EYA4: variants seen among roughly 807,000 people sequenced by gnomAD.
EYA4 encodes the protein protein phosphatase EYA4.
In EYA4, 31 loss-of-function variants were observed where a neutral mutation model predicts 87.9. That is an observed-to-expected ratio of 0.35 (90% CI 0.27 to 0.48). The LOEUF (loss-of-function observed/expected upper bound fraction) is 0.48. Among genes scored for constraint, EYA4 ranks in the 20% least tolerant of loss-of-function variants. The pLI is 0.99. For synonymous variants in EYA4, 263 were observed against 270.6 expected (o/e 0.97, Z 0.28); for missense variants, 678 against 761.4 (o/e 0.89, Z 1.29).
intron 13 of EYA4, among the ~76,000 whole-genome samples, chr6:133,490,536 T>A (rs1014506664): frequency 1.3e-5 from 2 of 151,774 alleles, no homozygotes; most frequent in Non-Finnish European, 2.9e-5. Context: ...CTAGAGTAGC[T>A]ATACTTATAA....
At chr6:133,413,369 T>C (rs1258420140) in intron 3 of EYA4, among the ~76,000 whole-genome samples, 1 of 152,018 alleles carries the variant, frequency 6.6e-6, no homozygotes, top group African/African-American at 2.4e-5. Flanking sequence ...TCTCTATATA[T>C]ATTCTGGGTC....
At chr6:133,328,660 T>C (rs1324274968) in intron 2 of EYA4, among the ~76,000 whole-genome samples, 3 of 152,136 alleles carry the variant, frequency 2.0e-5, no homozygotes, top group African/African-American at 7.2e-5. Context: ...TACTGACTAA[T>C]TAAATTCAGT....
chr6:133,520,172 T>C (rs1464751203), intron 17 of EYA4, among the ~76,000 whole-genome samples: 2 of 151,974 alleles, frequency 1.3e-5, no homozygotes, highest in Non-Finnish European at 2.9e-5. Flanking sequence ...GGGTATTCAA[T>C]TAGGAAAAGA....
At chr6:133,442,855 A>G (rs1301107566) in intron 3 of EYA4, among the ~76,000 whole-genome samples, 1 of 152,116 alleles carries the variant, frequency 6.6e-6, no homozygotes, top group Non-Finnish European at 1.5e-5. Flanking sequence ...AAGAATTTGT[A>G]TCATGAATGG....
intron 2 of EYA4, among the ~76,000 whole-genome samples, chr6:133,365,618 C>A (rs969460441): frequency 2.6e-5 from 4 of 152,124 alleles, no homozygotes; most frequent in African/African-American, 9.6e-5. Context: ...AAAGCCTGGG[C>A]CATATCCTTT....
intron 11 of EYA4, among the ~76,000 whole-genome samples, chr6:133,473,171 C>G (rs968458124): frequency 1.3e-5 from 2 of 152,090 alleles, no homozygotes; most frequent in South Asian, 4.2e-4. Context: ...CTTTCTTATT[C>G]AGCTTTGGAT....
At chr6:133,264,429 G>A (rs775191198) in intron 1 of EYA4, among the ~76,000 whole-genome samples, 2 of 152,224 alleles carry the variant, frequency 1.3e-5, no homozygotes, top group Non-Finnish European at 2.9e-5. Flanking sequence ...CACTGTGAAC[G>A]GTAACGTCCA....
chr6:133,247,031 A>G (rs2128224562), intron 1 of EYA4: 2 of 152,288 alleles, frequency 1.3e-5, no homozygotes, highest in Middle Eastern at 3.4e-3. Context: ...TAATACTTAT[A>G]TTTTATGTAA....
At chr6:133,323,935 G>C (rs1209153698) in intron 2 of EYA4, among the ~76,000 whole-genome samples, 2 of 152,026 alleles carry the variant, frequency 1.3e-5, no homozygotes, top group African/African-American at 4.8e-5. Flanking sequence ...TATCTGGGTG[G>C]TCACTCTTAT....
chr6:133,365,350 C>T (rs1467042446), intron 2 of EYA4, among the ~76,000 whole-genome samples: 7 of 152,166 alleles, frequency 4.6e-5, no homozygotes, highest in Non-Finnish European at 8.8e-5. Context: ...GTTTTAGCCA[C>T]TTCCTGCCGA....
At position 133,531,394 on chromosome 6, in the gene EYA4, G is replaced by A. The variant is rs553437932; in HGVS notation, c.*2589G>A. On this transcript the variant is annotated 3_prime_UTR_variant, in exon 20 of 20. Transcript: ENST00000355286. ...CCTCTTCCTTTCTAATCTGAAAAAC[G>A]AAAACTGAACAAACACAAAACCAAC... 3.4e-5 allele frequency: 20 copies of A among 588,372 alleles called. No individual in the cohort carries two copies. The highest frequency in any genetic ancestry group is 5.6e-5 in the Non-Finnish European group (19 of 339,140). 36.4% of individuals were successfully genotyped at this position (588,372 alleles called of 1,614,324 possible).
intron 2 of EYA4, among the ~76,000 whole-genome samples, chr6:133,297,846 G>T (rs1290914921): frequency 6.6e-6 from 1 of 152,148 alleles, no homozygotes; most frequent in Admixed American, 6.5e-5. Context: ...TAGCACTGTG[G>T]TATCTGTTCA....
chr6:133,314,448 A>G (rs930758770), intron 2 of EYA4, among the ~76,000 whole-genome samples: 1 of 152,202 alleles, frequency 6.6e-6, no homozygotes, highest in Admixed American at 6.5e-5. Flanking sequence ...TAGATTAGTC[A>G]TGAATGTCTT....
intron 3 of EYA4, among the ~76,000 whole-genome samples, chr6:133,434,287 C>G (rs1791449229): frequency 6.6e-6 from 1 of 152,062 alleles, no homozygotes; most frequent in Non-Finnish European, 1.5e-5. Flanking sequence ...CAGGGAAGCC[C>G]CGGATAGAAA....
chr6:133,444,665 G>A (rs1792628594), intron 3 of EYA4, among the ~76,000 whole-genome samples: 1 of 152,144 alleles, frequency 6.6e-6, no homozygotes, highest in Non-Finnish European at 1.5e-5. Flanking sequence ...GTAGATGAGG[G>A]CTGCCCTCAG....
intron 2 of EYA4, among the ~76,000 whole-genome samples, chr6:133,277,414 T>G (rs1777266843): frequency 6.6e-6 from 1 of 152,208 alleles, no homozygotes; most frequent in South Asian, 2.1e-4. Flanking sequence ...GCATGAGCTA[T>G]AAATCAGACT....
At chr6:133,507,770 T>TATCA (rs1290763344) in intron 14 of EYA4, among the ~76,000 whole-genome samples, 2 of 152,228 alleles carry the variant, frequency 1.3e-5, no homozygotes, top group Admixed American at 6.5e-5. Context: ...TTATCCAGTC[T>TATCA]ATCATTGATG....
In EYA4 at chr6:133,528,781, A is replaced by C; in HGVS notation, c.1896A>C (p.Gln632His). The C allele has an allele frequency of 1.2e-6, 2 of 1,613,762 alleles. No individual in the cohort carries two copies. Among genetic ancestry groups the C allele is most frequent in the Non-Finnish European group, 1.7e-6 (2 of 1,179,746 alleles). The part of the protein sequence containing the change: ...SSHSDLLALH[Q>H]ALELEYL ...ACTCAGACCTCCTGGCTCTCCACCA[A>C]GCACTGGAATTAGAGTATTTGTAAC... Residue 632 changes from glutamine (Q) to histidine (H), a missense_variant, in exon 20 of 20, where the codon CAA (glutamine) becomes CAC (histidine). Coordinates refer to ENST00000355286, the MANE Select transcript of EYA4 (RefSeq NM_004100.5).
At chr6:133,425,810 TA>T (rs1790620945) in intron 3 of EYA4, among the ~76,000 whole-genome samples, 1 of 150,690 alleles carries the variant, frequency 6.6e-6, no homozygotes, top group Admixed American at 6.6e-5. Context: ...TTCTGAAGTG[TA>T]ATTTTGACCA....
Sources: allele counts gnomAD v4.1 joint callset (sites outside exome capture counted in the v4.1 genomes callset), GRCh38; gene constraint gnomAD v4.1.1; transcripts MANE v1.5; gene names NCBI Gene and HGNC (gene_info 2026-07-23, HGNC 2026-07-21).